Variants in MTA3 observed in about 807,000 individuals in gnomAD.
MTA3 encodes the protein metastasis associated 1 family member 3.
In MTA3, 34 loss-of-function variants were observed where a neutral mutation model predicts 83.5. The ratio of observed to expected loss-of-function variants is 0.41; its 90% CI spans 0.31 to 0.54. The LOEUF is 0.54. Among genes scored for constraint, MTA3 ranks in the 20% least tolerant of loss-of-function variants. The pLI is 0.33. For missense variants in MTA3, 761 were observed against 726.4 expected, an observed-to-expected ratio of 1.05 and a Z score of -0.55; for synonymous variants, 303 against 252.7, an observed-to-expected ratio of 1.20 and a Z score of -1.89.
chr2:42,711,775 A>AGTGTGTGTTTTTGTGTGTGT (rs372997456), intron 14 of MTA3, among the ~76,000 whole-genome samples: 1 of 139,410 alleles, frequency 7.2e-6, no homozygotes, highest in African/African-American at 2.8e-5. Flanking sequence ...TGTATAGGAG[A>AGTGTGTGTTTTTGTGTGTGT]GAGAGAGAGT....
At chr2:42,749,699 C>T (rs1429546099) in intron 16 of MTA3, among the ~76,000 whole-genome samples, 1 of 151,986 alleles carries the variant, frequency 6.6e-6, no homozygotes, top group Non-Finnish European at 1.5e-5. Flanking sequence ...AACTCCTGAC[C>T]TCAAGTGATC....
At chr2:42,647,153 T>G (rs1573460816) in intron 6 of MTA3, among the ~76,000 whole-genome samples, 1 of 13,516 alleles carries the variant, frequency 7.4e-5, no homozygotes, top group African/African-American at 7.0e-4. Context: ...TGAGACTCTG[T>G]CTAAAAAAAA....
At chr2:42,722,141 G>C (rs1325965604) in intron 15 of MTA3, among the ~76,000 whole-genome samples, 8 of 152,156 alleles carry the variant, frequency 5.3e-5, no homozygotes, top group Non-Finnish European at 1.2e-4. Context: ...TTAGAAAAAG[G>C]CTGCCCAGCT....
intron 3 of MTA3, among the ~76,000 whole-genome samples, chr2:42,586,287 A>G (rs1173926353): frequency 1.3e-5 from 2 of 151,766 alleles, no homozygotes; most frequent in Non-Finnish European, 2.9e-5. Flanking sequence ...AAGAAAAAAA[A>G]AAAAAAGAAA....
At chr2:42,706,376 T>C (rs1666079597) in intron 12 of MTA3, among the ~76,000 whole-genome samples, 1 of 152,182 alleles carries the variant, frequency 6.6e-6, no homozygotes, top group African/African-American at 2.4e-5. Flanking sequence ...TTTGTATAAA[T>C]GAAAGCCTAA....
chr2:42,624,150 G>A (rs1292459116), intron 4 of MTA3, among the ~76,000 whole-genome samples: 7 of 151,992 alleles, frequency 4.6e-5, no homozygotes, highest in Non-Finnish European at 8.8e-5. Context: ...GTCAATTATT[G>A]CCTAGTGATC....
intron 7 of MTA3, 111 bp from the exon 8 acceptor site, chr2:42,659,652 C>A: frequency 1.5e-6 from 1 of 684,168 alleles, no homozygotes; most frequent in Non-Finnish European, 2.1e-6. Flanking sequence ...TTGTTTTTGC[C>A]TCTTCTTTTA....
intron 2 of MTA3, among the ~76,000 whole-genome samples, chr2:42,540,417 T>C (rs531181763): frequency 5.3e-5 from 8 of 151,866 alleles, no homozygotes; most frequent in African/African-American, 1.9e-4. Context: ...CAAGCAATCC[T>C]CCTGCCTTGG....
intron 8 of MTA3, among the ~76,000 whole-genome samples, chr2:42,679,240 A>T (rs573414556): frequency 4.7e-4 from 71 of 152,300 alleles, no homozygotes; most frequent in African/African-American, 1.5e-3. Flanking sequence ...TAGAAAGTAT[A>T]ATTTTCCATG....
chr2:42,553,332 G>A (rs1314465890), intron 2 of MTA3, among the ~76,000 whole-genome samples: 1 of 151,004 alleles, frequency 6.6e-6, no homozygotes, highest in African/African-American at 2.4e-5. Context: ...GCTGAGGCAG[G>A]AGAATGGCGT....
chr2:42,593,465 G>C (rs889723306), intron 3 of MTA3, among the ~76,000 whole-genome samples: 1 of 152,214 alleles, frequency 6.6e-6, no homozygotes, highest in African/African-American at 2.4e-5. Context: ...TTGATGGGCA[G>C]TACAGTAGGT....
At chr2:42,737,647 A>G (rs1229000399) in intron 16 of MTA3, among the ~76,000 whole-genome samples, 1 of 152,068 alleles carries the variant, frequency 6.6e-6, no homozygotes, top group Non-Finnish European at 1.5e-5. Context: ...CCCTCTTTTC[A>G]TGTACTTTAT....
At chr2:42,614,942 A>G (rs1186165340) in intron 4 of MTA3, among the ~76,000 whole-genome samples, 1 of 150,272 alleles carries the variant, frequency 6.7e-6, no homozygotes, top group Non-Finnish European at 1.5e-5. Context: ...GTGACACTGT[A>G]CTTTAGCCTG....
At chr2:42,682,625 G>C (rs1692028901) in intron 9 of MTA3, 36 bp downstream of exon 9, 1 of 1,542,540 alleles carries the variant, frequency 6.5e-7, no homozygotes, top group Admixed American at 1.9e-5. Flanking sequence ...AAAATGTTGA[G>C]ATGGGAATAT....
At chr2:42,591,848 A>C (rs1400462001) in intron 3 of MTA3, among the ~76,000 whole-genome samples, 1 of 152,044 alleles carries the variant, frequency 6.6e-6, no homozygotes, top group Non-Finnish European at 1.5e-5. Context: ...ACGGAGTTTC[A>C]CCATGTTGGC....
At position 42,551,047 on chromosome 2, in the gene MTA3, CTAAATAAA is replaced by C. The variant is rs61107846; in HGVS notation, c.-140-19356_-140-19349del. ...CCTGGGTGACAGAACCAGACTCTGA[CTAAATAAA>C]TAAATAAATAAATAAATAAATAAAT... On this transcript the variant is annotated intron_variant, in intron 2 of 17. Coordinates refer to the MTA3 transcript ENST00000405592. Among the ~76,000 whole-genome samples, 345 of 142,684 alleles carry C rather than the reference CTAAATAAA, an allele frequency of 2.4e-3. 2 individuals are homozygous for C. The highest frequency in any genetic ancestry group is 5.4e-3 in the African/African-American group (197 of 36,630). 93.6% of individuals were successfully genotyped at this position (142,684 alleles called of 152,430 possible).
chr2:42,579,216 CTG>C lies in MTA3; in HGVS notation c.190+17_190+18del. On this transcript the variant is annotated intron_variant, in intron 3 of 16. Coordinates refer to ENST00000405094, the MANE Select transcript of MTA3 (RefSeq NM_001330442.2). ...AAGCATGCTAGTAAGTTGTTTTTCT[CTG>C]ATTAAAAAAACGTTTTAAGTCTTGT... is the stretch of plus-strand genomic sequence containing the variant. 1 of 1,545,280 alleles carries C rather than the reference CTG, an allele frequency of 6.5e-7. No homozygotes were observed.
At chr2:42,603,082 G>A (rs1033291180) in intron 3 of MTA3, among the ~76,000 whole-genome samples, 2 of 150,600 alleles carry the variant, frequency 1.3e-5, no homozygotes, top group African/African-American at 4.9e-5. Context: ...CTCAGAACAC[G>A]TTGGTAGGCA....
At chr2:42,706,432 C>T (rs1666085397) in intron 12 of MTA3, among the ~76,000 whole-genome samples, 1 of 152,020 alleles carries the variant, frequency 6.6e-6, no homozygotes, top group African/African-American at 2.4e-5. Flanking sequence ...AAATAATAAT[C>T]CTCCAAAAAT....
Sources: gnomAD v4.1 joint callset for allele counts (sites outside exome capture counted in the v4.1 genomes callset) on GRCh38, gnomAD v4.1.1 for gene constraint, MANE v1.5 for transcripts, NCBI Gene and HGNC (gene_info 2026-07-23, HGNC 2026-07-21) for gene names.